Variants in NSD1 observed in about 807,000 individuals in gnomAD.
The protein encoded by NSD1 is histone-lysine N-methyltransferase, H3 lysine-36 specific.
Under a neutral mutation model 242.7 loss-of-function variants are expected in NSD1, and 26 were observed. That is an observed-to-expected ratio of 0.11 (90% CI 0.08 to 0.15). NSD1 has a LOEUF of 0.15. Ranked by LOEUF, NSD1 falls within the 10% of genes least tolerant of loss-of-function variation. The pLI is 1.00. For missense variants in NSD1, 2,495 were observed against 3,272.8 expected (o/e 0.76, Z 5.80); for synonymous variants, 1,106 against 1,178.1 (o/e 0.94, Z 1.25).
At chr5:177,155,566 T>C (rs950552087) in intron 2 of NSD1, among the ~76,000 whole-genome samples, 1 of 151,418 alleles carries the variant, frequency 6.6e-6, no homozygotes, top group African/African-American at 2.4e-5. Flanking sequence ...ACTGGCTTTT[T>C]TTTTTTTTTT....
upstream of NSD1, chr5:177,133,451 A>C (rs990659931): frequency 6.6e-6 from 1 of 151,076 alleles, no homozygotes; most frequent in Non-Finnish European, 1.5e-5. This position sits in a 1 kb window ranked among gnomAD's most constrained non-coding sequence, Gnocchi z 6.2. Context: ...AGGCCCCGAC[A>C]CTCCAAGGAG....
At position 177,204,221 on chromosome 5, in the gene NSD1, A is replaced by C; in HGVS notation, c.1165A>C (p.Arg389=). ...AGKAIVMFEG[R]HQFEELPVLR... ...AAAAGCAATCGTCATGTTTGAAGGC[A>C]GACATCAATTCGAAGAGCTACCTGT... is the stretch of plus-strand genomic sequence containing the variant. The change falls in exon 4 of 23, where the codon AGA becomes CGA. Residue 389 remains arginine (R), a synonymous_variant. Coordinates refer to ENST00000439151, the MANE Select transcript of NSD1 (RefSeq NM_022455.5). The C allele has an allele frequency of 6.2e-7, 1 of 1,614,220 alleles. No individual in the cohort carries two copies. The highest frequency in any genetic ancestry group is 1.3e-5 in the African/African-American group (1 of 75,070).
At chr5:177,149,797 G>A (rs1016347494) in intron 2 of NSD1, among the ~76,000 whole-genome samples, 4 of 152,142 alleles carry the variant, frequency 2.6e-5, no homozygotes, top group East Asian at 3.8e-4. Flanking sequence ...ATGCTCCCTT[G>A]TCTGCTGTTC....
At chr5:177,190,214 C>T (rs1047647269) in intron 2 of NSD1, among the ~76,000 whole-genome samples, 3 of 152,128 alleles carry the variant, frequency 2.0e-5, no homozygotes, top group Non-Finnish European at 2.9e-5. Flanking sequence ...ACCTCAGCCT[C>T]CCAAAGTGCT....
At chr5:177,201,059 G>T (rs1762475981) in intron 3 of NSD1, among the ~76,000 whole-genome samples, 1 of 151,662 alleles carries the variant, frequency 6.6e-6, no homozygotes, top group East Asian at 1.9e-4. Context: ...ATTAATTTTT[G>T]TATTTTTAGT....
At chr5:177,160,186 C>T (rs114998135) in intron 2 of NSD1, among the ~76,000 whole-genome samples, 90 of 152,270 alleles carry the variant, frequency 5.9e-4, no homozygotes, top group African/African-American at 2.1e-3. Context: ...CTACTGTACC[C>T]GGCTAAGTGT....
intron 2 of NSD1, among the ~76,000 whole-genome samples, chr5:177,142,533 A>G (rs1221539563): frequency 1.3e-5 from 2 of 152,178 alleles, no homozygotes; most frequent in Middle Eastern, 3.2e-3. Flanking sequence ...AAGAGGGAAT[A>G]GCATATGCAA....
At chr5:177,154,498 T>C (rs1017107415) in intron 2 of NSD1, among the ~76,000 whole-genome samples, 2 of 152,162 alleles carry the variant, frequency 1.3e-5, no homozygotes, top group African/African-American at 4.8e-5. Flanking sequence ...GATTAAAAAA[T>C]ACATGAAAAG....
chr5:177,204,022 C>T (rs775539648), intron 3 of NSD1, 98 bp from the exon 4 acceptor site: 20 of 1,196,124 alleles, frequency 1.7e-5, no homozygotes, highest in Admixed American at 3.4e-5. Context: ...TAGTTGTTTC[C>T]AGACAGTCTT....
intron 2 of NSD1, among the ~76,000 whole-genome samples, chr5:177,180,714 G>A (rs34206836): frequency 0.14 from 21,630 of 151,210 alleles, 2,023 homozygotes; most frequent in East Asian, 0.51. Flanking sequence ...ATGGAGTCTC[G>A]CTCTGTTGCC....
At chr5:177,185,881 TATATA>T (rs1440465433) in intron 2 of NSD1, among the ~76,000 whole-genome samples, 2 of 85,304 alleles carry the variant, frequency 2.3e-5, no homozygotes, top group African/African-American at 5.2e-5. Flanking sequence ...ATAATTAATA[TATATA>T]ATATATTTAT....
chr5:177,195,968 C>T (rs1017532093), intron 3 of NSD1, among the ~76,000 whole-genome samples: 1 of 152,124 alleles, frequency 6.6e-6, no homozygotes, highest in African/African-American at 2.4e-5. Context: ...TGCATTATTA[C>T]TTAACTGAGA....
intron 3 of NSD1, among the ~76,000 whole-genome samples, chr5:177,197,809 A>G (rs978543385): frequency 2.6e-5 from 4 of 152,116 alleles, no homozygotes; most frequent in Non-Finnish European, 5.9e-5. Context: ...TGTTGCCTAG[A>G]GAGCAAATAA....
chr5:177,158,158 G>A (rs567137271), intron 2 of NSD1, among the ~76,000 whole-genome samples: 61 of 152,200 alleles, frequency 4.0e-4, no homozygotes, highest in Non-Finnish European at 7.4e-4. Flanking sequence ...TCTATGTTTA[G>A]CATTTTGAGG....
At chr5:177,165,391 A>T (rs532713659) in intron 2 of NSD1, among the ~76,000 whole-genome samples, 1 of 151,998 alleles carries the variant, frequency 6.6e-6, no homozygotes, top group East Asian at 1.9e-4. Context: ...TTGGTCTCGA[A>T]CTCCTGAGCT....
At chr5:177,145,097 A>AG (rs1287654494) in intron 2 of NSD1, among the ~76,000 whole-genome samples, 1 of 151,890 alleles carries the variant, frequency 6.6e-6, no homozygotes, top group East Asian at 1.9e-4. Flanking sequence ...AAAAAAAAAA[A>AG]AAAAAGTCAA....
intron 3 of NSD1, 63 bp downstream of exon 3, chr5:177,192,082 T>G (rs958334756): frequency 7.2e-6 from 10 of 1,382,294 alleles, no homozygotes; most frequent in Admixed American, 5.8e-5. Context: ...CAATTTTTGT[T>G]ATCTTAATAA....
chr5:177,264,603 A>G (rs1757267011), intron 14 of NSD1, among the ~76,000 whole-genome samples: 1 of 152,232 alleles, frequency 6.6e-6, no homozygotes, highest in Non-Finnish European at 1.5e-5. Context: ...AATACAGACA[A>G]AAGTGAGCTT....
At chr5:177,241,173 T>A (rs1023766180) in intron 8 of NSD1, among the ~76,000 whole-genome samples, 1 of 152,088 alleles carries the variant, frequency 6.6e-6, no homozygotes, top group African/African-American at 2.4e-5. Context: ...CATATTGATG[T>A]CCAGTTGTTT....
Sources: gnomAD v4.1 joint callset for allele counts (sites outside exome capture counted in the v4.1 genomes callset) on GRCh38, gnomAD v4.1.1 for gene constraint, Gnocchi (gnomAD v3.1) non-coding constraint, MANE v1.5 for transcripts, NCBI Gene and HGNC (gene_info 2026-07-23, HGNC 2026-07-21) for gene names.